GFM2: variants seen among roughly 807,000 people sequenced by gnomAD.
GFM2 encodes ribosome-releasing factor 2, mitochondrial.
A neutral mutation model predicts 95.4 loss-of-function variants in GFM2; 72 were observed. That is an observed-to-expected ratio of 0.76 (90% CI 0.62 to 0.92). GFM2 has a LOEUF of 0.92. Ranked by LOEUF, GFM2 falls within the 40% of genes least tolerant of loss-of-function variation. GFM2 has a pLI of 0.00. For missense variants in GFM2, 825 were observed against 924.1 expected, an observed-to-expected ratio of 0.89 and a Z score of 1.39; for synonymous variants, 276 against 317.5, an observed-to-expected ratio of 0.87 and a Z score of 1.39.
Position 74,751,742 on chromosome 5 carries a change from TTTAC to T in GFM2, c.305-253_305-250del, listed in dbSNP as rs546804535. The stretch of plus-strand genomic sequence containing the variant: ...AATCTTTTAAGTTTACTGAACTTAT[TTTAC>T]TTACTTACTTCTTTTATTTCTTACA... On this transcript the variant is annotated intron_variant, in intron 5 of 20. Transcript: ENST00000296805. Among the ~76,000 whole-genome samples the T allele has an allele frequency of 2.1e-3, 318 of 152,294 alleles. 1 individual carries two copies. The highest frequency in any genetic ancestry group is 7.3e-3 in the African/African-American group (304 of 41,560).
At position 74,750,657 on chromosome 5, in the gene GFM2, G is replaced by C; in HGVS notation, c.441C>G (p.Asp147Glu). Residue 147 changes from aspartate (D) to glutamate (E), a missense_variant, in exon 7 of 21, where the codon GAC becomes GAG. Asp to Glu is a conservative substitution (Grantham distance 45, BLOSUM62 2). Coordinates refer to ENST00000296805, the MANE Select transcript of GFM2 (RefSeq NM_032380.5). ...GGCACCGCTCAACCTCCAAGGTAAA[G>C]TCCACATGACCTAAGAAAAAGATAA... ...VNLIDTPGHV[D>E]FTLEVERCLR... is the part of the protein sequence containing the mutation. The C allele has an allele frequency of 6.2e-7, 1 of 1,612,402 alleles. No individual in the cohort carries two copies. Among genetic ancestry groups the C allele is most frequent in the Non-Finnish European group, 8.5e-7 (1 of 1,178,814 alleles).
chr5:74,758,816 G>T (rs556914023), intron 5 of GFM2, 33 bp downstream of exon 5: 1 of 1,277,604 alleles, frequency 7.8e-7, no homozygotes, highest in South Asian at 1.2e-5. Context: ...TTTTGCTAAT[G>T]GGGGGGTGGG....
chr5:74,750,107 T>A (rs1219143070), intron 7 of GFM2, among the ~76,000 whole-genome samples: 1 of 152,272 alleles, frequency 6.6e-6, no homozygotes, highest in Non-Finnish European at 1.5e-5. Context: ...TTCTCCTTCA[T>A]GAATTCAGCA....
At chr5:74,747,631 T>C (rs192405928) in intron 8 of GFM2, 61 bp downstream of exon 8, 5 of 959,166 alleles carry the variant, frequency 5.2e-6, no homozygotes, top group South Asian at 4.2e-5. Flanking sequence ...TAAGTTATAG[T>C]TCATTAAAAG....
intron 2 of GFM2, 140 bp from the exon 3 acceptor site, chr5:74,761,126 CT>C: frequency 1.8e-6 from 1 of 570,830 alleles, no homozygotes; most frequent in Non-Finnish European, 3.1e-6. Context: ...AACTCCAATT[CT>C]TTTAAAAAGT....
chr5:74,735,223 G>A (rs1742773864), intron 15 of GFM2, among the ~76,000 whole-genome samples: 1 of 152,108 alleles, frequency 6.6e-6, no homozygotes, highest in Non-Finnish European at 1.5e-5. Flanking sequence ...TTGCTGTTAG[G>A]CCCATTTTAA....
At chr5:74,746,220 AG>A in intron 8 of GFM2, 55 bp from the exon 9 acceptor site, 21 of 970,368 alleles carry the variant, frequency 2.2e-5, no homozygotes, top group Non-Finnish European at 2.8e-5. Flanking sequence ...TCTTTACCAA[AG>A]GTATCAAGAG....
Position 74,725,930 on chromosome 5 carries a change from G to C in GFM2, c.1912+11C>G. 1 of 1,601,286 alleles carries C rather than the reference G, an allele frequency of 6.2e-7. No individual in the cohort carries two copies. Among genetic ancestry groups the C allele is most frequent in the South Asian group, 1.1e-5 (1 of 89,294 alleles). Reference sequence around the variant, plus strand: ...GGGATACTAATGCTTACTCTCATTTGAGTGTCTTACCTTGGAGACATGCGC... The same window carrying C: ...GGGATACTAATGCTTACTCTCATTTCAGTGTCTTACCTTGGAGACATGCGC... On this transcript the variant is annotated intron_variant, in intron 18 of 20. Transcript: ENST00000296805.
intron 19 of GFM2, among the ~76,000 whole-genome samples, chr5:74,723,957 CCTT>C (rs1345890010): frequency 6.6e-6 from 1 of 152,078 alleles, no homozygotes; most frequent in African/African-American, 2.4e-5. Flanking sequence ...CTATTTGTGT[CCTT>C]CTCAGTGCCT....
At position 74,767,092 on chromosome 5, in the gene GFM2, G is replaced by A. The variant is rs548823289; in HGVS notation, c.-179C>T. Reference sequence around the variant, plus strand: ...AACGAAAAGAAAATAGGCTTTCTCCGCTCTACCGCCTCGGGCAGCCACACC... The same window carrying A: ...AACGAAAAGAAAATAGGCTTTCTCCACTCTACCGCCTCGGGCAGCCACACC... On this transcript the variant is annotated 5_prime_UTR_variant, in exon 1 of 21. Transcript: ENST00000296805. 2 of 459,144 alleles carry A rather than the reference G, an allele frequency of 4.4e-6. No individual in the cohort carries two copies. The highest frequency in any genetic ancestry group is 4.0e-6 in the Non-Finnish European group (1 of 252,878). The allele number at this position is 459,144 out of a possible 1,614,324, so 28.4% of individuals were successfully genotyped here. A position where few individuals can be genotyped will look rare whatever the true frequency, so the allele number is the denominator to read the frequency against.
In GFM2 at chr5:74,725,684, A is replaced by T. The variant is rs141789665; in HGVS notation, c.1984T>A (p.Ser662Thr). The T allele has an allele frequency of 8.6e-4, 1,394 of 1,613,830 alleles. No individual in the cohort carries two copies. The highest frequency in any genetic ancestry group is 1.0e-3 in the Non-Finnish European group (1,226 of 1,179,784). Reference protein sequence around the residue: ...LHSLTIHPGTSTTMISACVSR... With the variant: ...LHSLTIHPGTTTTMISACVSR... ...ACACAGGCAGAAATCATAGTTGTGGAGGTGCCAGGATGAATTGTCAGGGAA... is the reference window on the plus strand; with the variant it reads ...ACACAGGCAGAAATCATAGTTGTGGTGGTGCCAGGATGAATTGTCAGGGAA... Residue 662 changes from serine to threonine, a missense_variant, in exon 19 of 21, where the codon TCC (serine) becomes ACC (threonine). Ser to Thr is a moderately conservative substitution (Grantham distance 58). Coordinates refer to ENST00000296805, the MANE Select transcript of GFM2 (RefSeq NM_032380.5).
intron 10 of GFM2, among the ~76,000 whole-genome samples, chr5:74,745,424 C>T (rs1381328577): frequency 1.3e-5 from 2 of 151,718 alleles, no homozygotes; most frequent in Non-Finnish European, 2.9e-5. Context: ...GAGAGATGAA[C>T]AAAAAATGGC....
chr5:74,722,846 T>C (rs1749975720), intron 19 of GFM2, among the ~76,000 whole-genome samples: 2 of 152,180 alleles, frequency 1.3e-5, no homozygotes, highest in Admixed American at 6.5e-5. Context: ...CATTTGTTCA[T>C]ATTTAAACCT....
chr5:74,726,016 C>T lies in GFM2; in HGVS notation c.1837G>A (p.Glu613Lys). Residue 613 changes from glutamate (E) to lysine (K), a missense_variant, in exon 18 of 21, where the codon GAA becomes AAA. Physicochemically the swap from Glu to Lys is moderately conservative, Grantham distance 56 (BLOSUM62 1). Transcript: ENST00000296805. Reference sequence around the variant, plus strand: ...TTCAAAAGGCCTTCATTGATACTTTCAGCATACTCAAACTCAATCACAGGC... The same window carrying T: ...TTCAAAAGGCCTTCATTGATACTTTTAGCATACTCAAACTCAATCACAGGC... ...VMPVIEFEYA[E>K]SINEGLLKVS... The T allele has an allele frequency of 6.3e-7, 1 of 1,586,568 alleles. No individual in the cohort carries two copies. Among genetic ancestry groups the T allele is most frequent in the Non-Finnish European group, 8.5e-7 (1 of 1,176,192 alleles).
chr5:74,755,513 A>G (rs1743934771), intron 5 of GFM2, among the ~76,000 whole-genome samples: 1 of 152,212 alleles, frequency 6.6e-6, no homozygotes, highest in South Asian at 2.1e-4. Flanking sequence ...AAATATCCAA[A>G]TAAGCTCAAT....
intron 15 of GFM2, chr5:74,736,408 C>T (rs1742835927): frequency 1.0e-6 from 1 of 983,426 alleles, no homozygotes; most frequent in Non-Finnish European, 1.2e-6. Context: ...TCATTGAGTT[C>T]TAGAGGTTGA....
intron 7 of GFM2, among the ~76,000 whole-genome samples, chr5:74,749,556 G>A (rs150278288): frequency 2.2e-4 from 34 of 152,046 alleles, no homozygotes; most frequent in African/African-American, 8.0e-4. Context: ...TTTCTTCTGG[G>A]TTATTATTGA....
At chr5:74,765,420 G>A (rs1407949404) in intron 1 of GFM2, among the ~76,000 whole-genome samples, 1 of 152,132 alleles carries the variant, frequency 6.6e-6, no homozygotes, top group Non-Finnish European at 1.5e-5. Context: ...TCTCTCCCAT[G>A]ATGATAGGGT....
rs1271669619 is a variant in GFM2, at chr5:74,738,562, C to T, written c.1160G>A (p.Arg387His). The change falls in exon 13 of 21, where the codon CGC (arginine) becomes CAC (histidine). Residue 387 changes from arginine (R) to histidine (H), a missense_variant. Coordinates refer to ENST00000296805, the MANE Select transcript of GFM2 (RefSeq NM_032380.5). ...DKQRGPLVFM[R>H]IYSGTIKPQL... ...GGGTTTTATAGTGCCTGAGTAAATG[C>T]GCATAAAAACCAGTGGTCCTCGCTG... The T allele has an allele frequency of 3.7e-6, 6 of 1,613,540 alleles. No individual in the cohort carries two copies. Among genetic ancestry groups the T allele is most frequent in the East Asian group, 2.2e-5 (1 of 44,854 alleles).
Sources: gnomAD v4.1 joint callset for allele counts (sites outside exome capture counted in the v4.1 genomes callset) on GRCh38, gnomAD v4.1.1 for gene constraint, MANE v1.5 for transcripts, NCBI Gene and HGNC (gene_info 2026-07-23, HGNC 2026-07-21) for gene names.